The following MYO3A variants were observed in gnomAD, a reference collection of about 807,000 sequenced individuals.
MYO3A encodes the protein myosin-IIIa.
In MYO3A, 180 loss-of-function variants were observed where a neutral mutation model predicts 192.7. The ratio of observed to expected loss-of-function variants is 0.93; its 90% CI spans 0.83 to 1.06. The LOEUF is 1.06. Among genes scored for constraint, MYO3A ranks in the 50% least tolerant of loss-of-function variants. MYO3A has a pLI of 0.00. For synonymous variants in MYO3A, 628 were observed against 645.3 expected, an observed-to-expected ratio of 0.97 and a Z score of 0.41; for missense variants, 1,896 against 1,905.0, an observed-to-expected ratio of 1.00 and a Z score of 0.09.
intron 6 of MYO3A, among the ~76,000 whole-genome samples, chr10:26,003,749 C>T (rs558094509): frequency 2.1e-4 from 32 of 152,158 alleles, no homozygotes; most frequent in African/African-American, 1.7e-4. Flanking sequence ...CTTATTTCTG[C>T]GGATTTCTCT....
At chr10:25,960,011 G>A (rs1837825662) in intron 4 of MYO3A, among the ~76,000 whole-genome samples, 1 of 151,990 alleles carries the variant, frequency 6.6e-6, no homozygotes, top group African/African-American at 2.4e-5. Flanking sequence ...TCAGGTGACC[G>A]CAAAAGAACC....
chr10:25,990,043 A>G (rs1173859343), intron 4 of MYO3A, among the ~76,000 whole-genome samples: 1 of 152,172 alleles, frequency 6.6e-6, no homozygotes, highest in Non-Finnish European at 1.5e-5. Context: ...TTTAATTAAT[A>G]TTTGCTGCTA....
At chr10:26,164,737 A>G (rs1477986784) in intron 26 of MYO3A, among the ~76,000 whole-genome samples, 1 of 152,152 alleles carries the variant, frequency 6.6e-6, no homozygotes, top group East Asian at 1.9e-4. Flanking sequence ...TGGCGGGTCC[A>G]GGCACGCATG....
At chr10:26,110,261 T>C (rs1297188543) in intron 17 of MYO3A, among the ~76,000 whole-genome samples, 1 of 152,186 alleles carries the variant, frequency 6.6e-6, no homozygotes, top group Non-Finnish European at 1.5e-5. Flanking sequence ...AGCTGTAATT[T>C]GGGAACTCAG....
At chr10:26,052,178 A>G (rs1844043704) in intron 10 of MYO3A, among the ~76,000 whole-genome samples, 1 of 152,224 alleles carries the variant, frequency 6.6e-6, no homozygotes, top group African/African-American at 2.4e-5. Context: ...ACACAAGTAC[A>G]TACATAGCTA....
intron 20 of MYO3A, among the ~76,000 whole-genome samples, chr10:26,142,727 C>G (rs182545230): frequency 6.1e-4 from 93 of 152,276 alleles, no homozygotes; most frequent in Non-Finnish European, 1.1e-3. Flanking sequence ...GTTTCTATAA[C>G]TCTCTGCTGT....
At chr10:26,101,726 C>A (rs947493641) in intron 17 of MYO3A, among the ~76,000 whole-genome samples, 1 of 152,134 alleles carries the variant, frequency 6.6e-6, no homozygotes, top group Admixed American at 6.5e-5. Context: ...ATATTGGCCC[C>A]CACTCTTTTC....
intron 10 of MYO3A, among the ~76,000 whole-genome samples, chr10:26,038,380 G>C (rs2368119): frequency 0.17 from 25,312 of 152,042 alleles, 2,381 homozygotes; most frequent in Non-Finnish European, 0.21. Flanking sequence ...CAATTTCTTG[G>C]ATCAGTTATG....
At chr10:26,142,281 G>A (rs7074819) in intron 20 of MYO3A, among the ~76,000 whole-genome samples, 2,652 of 152,324 alleles carry the variant, frequency 0.017, 85 homozygotes, top group African/African-American at 0.058. Context: ...CACCTGAGAA[G>A]CAGTGACTCC....
At chr10:26,081,100 T>TG (rs1211724905) in intron 14 of MYO3A, among the ~76,000 whole-genome samples, 3 of 130,130 alleles carry the variant, frequency 2.3e-5, no homozygotes, top group African/African-American at 8.7e-5. Flanking sequence ...CGGCGGTGGG[T>TG]GGGGCCCTAG....
At chr10:26,133,580 T>C (rs1003190032) in intron 20 of MYO3A, among the ~76,000 whole-genome samples, 4 of 152,212 alleles carry the variant, frequency 2.6e-5, no homozygotes, top group African/African-American at 9.6e-5. Flanking sequence ...TTTAATGATA[T>C]TCTTAAATTT....
chr10:26,175,065 A>T (rs1329574012), intron 30 of MYO3A, among the ~76,000 whole-genome samples: 1 of 152,196 alleles, frequency 6.6e-6, no homozygotes, highest in Admixed American at 6.5e-5. Flanking sequence ...GAAAATAAGG[A>T]ATCACAAAGA....
At chr10:25,945,971 T>A (rs1836806996) in intron 2 of MYO3A, among the ~76,000 whole-genome samples, 1 of 152,196 alleles carries the variant, frequency 6.6e-6, no homozygotes, top group South Asian at 2.1e-4. Flanking sequence ...ACTTGATTGC[T>A]TATAAAAATT....
intron 10 of MYO3A, among the ~76,000 whole-genome samples, chr10:26,040,632 C>G (rs998782838): frequency 1.3e-5 from 2 of 151,980 alleles, no homozygotes; most frequent in African/African-American, 4.8e-5. Context: ...ACACTGCAGC[C>G]ACAAGCACCA....
At position 26,168,902 on chromosome 10, in the gene MYO3A, G is replaced by T. The variant is rs191491039; in HGVS notation, c.3274+28G>T. ...AATCTCTTTGACATATTTAGATATG[G>T]TCATAAAATCAAATCTTATAATACT... On this transcript the variant is annotated intron_variant, in intron 28 of 34. Coordinates refer to ENST00000642920, the MANE Select transcript of MYO3A (RefSeq NM_017433.5). The T allele has an allele frequency of 6.0e-5, 96 of 1,588,222 alleles. 1 individual carries two copies. The African/African-American group carries it at 1.1e-3, about 18-fold the overall frequency.
chr10:26,031,766 G>A (rs1842811824), intron 10 of MYO3A, among the ~76,000 whole-genome samples: 4 of 152,192 alleles, frequency 2.6e-5, no homozygotes, highest in Admixed American at 2.6e-4. Flanking sequence ...CTGAGTAGCT[G>A]AGCTTACTTG....
intron 17 of MYO3A, among the ~76,000 whole-genome samples, chr10:26,111,751 T>A (rs561428581): frequency 3.9e-5 from 6 of 152,330 alleles, no homozygotes; most frequent in African/African-American, 1.4e-4. Context: ...TGGTAGATGC[T>A]CCTTGTGAAC....
chr10:26,060,483 CAAACA>C lies in MYO3A; in HGVS notation c.954-6488_954-6484del, dbSNP rs373069630. On this transcript the variant is annotated intron_variant, in intron 10 of 34. Transcript: ENST00000642920. ...ACTCCATCTCAAACAAACAAACAAA[CAAACA>C]AAAGACAGTGATACAAGAATATTCT... is the stretch of plus-strand genomic sequence containing the variant. Among the ~76,000 whole-genome samples the C allele has an allele frequency of 8.7e-3, 1,315 of 151,960 alleles. 15 individuals carry two copies. Among genetic ancestry groups the C allele is most frequent in the African/African-American group, 0.029 (1,196 of 41,456 alleles).
intron 21 of MYO3A, 39 bp from the exon 22 acceptor site, chr10:26,145,407 C>T: frequency 7.3e-7 from 1 of 1,366,948 alleles, no homozygotes; most frequent in South Asian, 1.2e-5. Context: ...TTGAGGATCT[C>T]ATACATGCTT....
Sources: allele counts gnomAD v4.1 joint callset (sites outside exome capture counted in the v4.1 genomes callset), GRCh38; gene constraint gnomAD v4.1.1; transcripts MANE v1.5; gene names NCBI Gene and HGNC (gene_info 2026-07-23, HGNC 2026-07-21).